The following NRXN3 variants were observed in gnomAD, a reference collection of about 807,000 sequenced individuals.
The protein encoded by NRXN3 is neurexin III.
Under a neutral mutation model 137.6 loss-of-function variants are expected in NRXN3, and 32 were observed. The observed-to-expected ratio is 0.23, with a 90% CI of 0.18 to 0.31. The LOEUF is 0.31. Ranked by LOEUF, NRXN3 falls within the 10% of genes least tolerant of loss-of-function variation. NRXN3 has a pLI of 1.00. For synonymous variants in NRXN3, 798 were observed against 784.5 expected (o/e 1.02, Z -0.29); for missense variants, 1,574 against 2,062.5 (o/e 0.76, Z 4.59).
chr14:78,874,471 A>G (rs978743335), intron 10 of NRXN3, among the ~76,000 whole-genome samples: 2 of 152,166 alleles, frequency 1.3e-5, no homozygotes, highest in African/African-American at 4.8e-5. Flanking sequence ...CCTTTTCATC[A>G]TGATGTCTCA....
chr14:78,919,867 G>A (rs2099266314), intron 10 of NRXN3, among the ~76,000 whole-genome samples: 1 of 151,968 alleles, frequency 6.6e-6, no homozygotes, highest in Admixed American at 6.6e-5. Context: ...ATTTTATTAA[G>A]CACTTATTAT....
intron 19 of NRXN3, among the ~76,000 whole-genome samples, chr14:79,731,711 C>A (rs2098923637): frequency 6.6e-6 from 1 of 151,254 alleles, no homozygotes. Flanking sequence ...GTCTTGAACA[C>A]CTGACCTCGT....
intron 15 of NRXN3, among the ~76,000 whole-genome samples, chr14:79,098,697 A>G (rs1029531710): frequency 2.6e-5 from 4 of 152,188 alleles, no homozygotes; most frequent in Admixed American, 6.5e-5. Context: ...AGATTTCTGG[A>G]TGCCACAATG....
intron 13 of NRXN3, 90 bp from the exon 14 acceptor site, chr14:78,968,083 T>A (rs990443323): frequency 9.3e-6 from 2 of 214,564 alleles, no homozygotes; most frequent in Non-Finnish European, 1.7e-5. Context: ...TTATTCCTTA[T>A]CTGATGAATT....
intron 4 of NRXN3, among the ~76,000 whole-genome samples, chr14:78,490,277 G>A (rs538794994): frequency 6.6e-6 from 1 of 151,876 alleles, no homozygotes; most frequent in African/African-American, 2.4e-5. Flanking sequence ...AAACTTCTGG[G>A]TAAGGCTGTT....
chr14:78,448,252 C>G (rs1008083473), intron 4 of NRXN3, among the ~76,000 whole-genome samples: 2 of 151,950 alleles, frequency 1.3e-5, no homozygotes, highest in African/African-American at 2.4e-5. Context: ...AAGACGGCTA[C>G]TTATCTAGCA....
intron 10 of NRXN3, among the ~76,000 whole-genome samples, chr14:78,896,089 C>T (rs1314717828): frequency 6.6e-6 from 1 of 151,948 alleles, no homozygotes; most frequent in Admixed American, 6.6e-5. Context: ...TTGACTTGCT[C>T]AACCAACGGT....
At chr14:79,094,771 C>G (rs966639706) in intron 15 of NRXN3, among the ~76,000 whole-genome samples, 8 of 152,084 alleles carry the variant, frequency 5.3e-5, no homozygotes, top group Non-Finnish European at 1.2e-4. Flanking sequence ...GATTAGCTCT[C>G]TCTTAGACTC....
chr14:78,912,065 C>T (rs2099239971), intron 10 of NRXN3, among the ~76,000 whole-genome samples: 1 of 151,466 alleles, frequency 6.6e-6, no homozygotes, highest in South Asian at 2.1e-4. Flanking sequence ...TGCTATCCCT[C>T]CCCCTGCCCC....
chr14:78,387,873 G>A (rs975218940), intron 4 of NRXN3, among the ~76,000 whole-genome samples: 1 of 152,208 alleles, frequency 6.6e-6, no homozygotes, highest in Non-Finnish European at 1.5e-5. Context: ...ACATAGGCAT[G>A]TCATGGATGT....
At chr14:79,547,002 C>T (rs912959829) in intron 16 of NRXN3, among the ~76,000 whole-genome samples, 1 of 152,090 alleles carries the variant, frequency 6.6e-6, no homozygotes, top group Non-Finnish European at 1.5e-5. Context: ...AAATATTGAT[C>T]AGATAGTCCC....
chr14:78,266,398 A>G (rs1172618912), intron 2 of NRXN3, among the ~76,000 whole-genome samples: 1 of 152,040 alleles, frequency 6.6e-6, no homozygotes, highest in South Asian at 2.1e-4. Context: ...TCCCTGGTTC[A>G]AGCAATTCTT....
chr14:78,380,082 A>C (rs1332008237), intron 4 of NRXN3, among the ~76,000 whole-genome samples: 5 of 152,158 alleles, frequency 3.3e-5, no homozygotes, highest in Non-Finnish European at 7.4e-5. Context: ...AATAAAATCT[A>C]AAAGAAATAG....
chr14:79,625,359 C>T (rs1342698668), intron 16 of NRXN3, among the ~76,000 whole-genome samples: 1 of 152,046 alleles, frequency 6.6e-6, no homozygotes, highest in East Asian at 1.9e-4. Flanking sequence ...AAGACATGAA[C>T]CAACTATCAG....
At chr14:79,155,230 G>A (rs2060156797) in intron 15 of NRXN3, among the ~76,000 whole-genome samples, 1 of 151,906 alleles carries the variant, frequency 6.6e-6, no homozygotes, top group African/African-American at 2.4e-5. Context: ...CCAATCACAA[G>A]AAACTCTCAA....
intron 16 of NRXN3, among the ~76,000 whole-genome samples, chr14:79,617,916 G>GAAAAAAAAAAAAAAAAAAAAA (rs2098175722): frequency 1.6e-5 from 1 of 64,304 alleles, no homozygotes; most frequent in African/African-American, 2.6e-4. Flanking sequence ...CTGAATAGCA[G>GAAAAAAAAAAAAAAAAAAAAA]CAAAAAAAAA....
chr14:78,624,524 T>C (rs1601534860), intron 4 of NRXN3, among the ~76,000 whole-genome samples: 1 of 152,196 alleles, frequency 6.6e-6, no homozygotes, highest in African/African-American at 2.4e-5. Flanking sequence ...CGGGGCCAGG[T>C]GCTGGATCCT....
intron 16 of NRXN3, among the ~76,000 whole-genome samples, chr14:79,536,182 A>T (rs2097209491): frequency 6.6e-6 from 1 of 152,218 alleles, no homozygotes; most frequent in East Asian, 1.9e-4. Flanking sequence ...TCTCTCCTAG[A>T]ATCATGCCAT....
At chr14:78,275,551 A>G (rs562437274) in intron 2 of NRXN3, among the ~76,000 whole-genome samples, 1 of 152,172 alleles carries the variant, frequency 6.6e-6, no homozygotes, top group Non-Finnish European at 1.5e-5. Context: ...CTGTCTTCAC[A>G]TGGTAACAAA....
Sources: allele counts gnomAD v4.1 joint callset (sites outside exome capture counted in the v4.1 genomes callset), GRCh38; gene constraint gnomAD v4.1.1; transcripts MANE v1.5; gene names NCBI Gene and HGNC (gene_info 2026-07-23, HGNC 2026-07-21).